The following ASTN2 variants were observed in gnomAD, a reference collection of about 807,000 sequenced individuals.
The protein encoded by ASTN2 is astrotactin 2.
In ASTN2, 54 loss-of-function variants were observed where a neutral mutation model predicts 139.8. The ratio of observed to expected loss-of-function variants is 0.39; its 90% CI spans 0.31 to 0.48. The LOEUF is 0.48. Among genes scored for constraint, ASTN2 ranks in the 20% least tolerant of loss-of-function variants. The pLI, the probability that ASTN2 is intolerant of heterozygous loss-of-function variation, is 0.95. For synonymous variants in ASTN2, 756 were observed against 719.5 expected (o/e 1.05, Z -0.81); for missense variants, 1,565 against 1,725.1 (o/e 0.91, Z 1.64).
intron 1 of ASTN2, among the ~76,000 whole-genome samples, chr9:117,316,708 G>A (rs1828154112): frequency 6.6e-6 from 1 of 152,176 alleles, no homozygotes; most frequent in African/African-American, 2.4e-5. Context: ...TCAGCACAAT[G>A]CTGGGCCTCC....
At chr9:117,119,771 G>C (rs1829493056) in intron 4 of ASTN2, among the ~76,000 whole-genome samples, 1 of 151,830 alleles carries the variant, frequency 6.6e-6, no homozygotes, top group Non-Finnish European at 1.5e-5. Context: ...TGACAAAAAT[G>C]AGGGCATCCC....
At chr9:116,633,529 G>A (rs58612143) in intron 17 of ASTN2, among the ~76,000 whole-genome samples, 4,286 of 152,312 alleles carry the variant, frequency 0.028, 185 homozygotes, top group African/African-American at 0.098. Flanking sequence ...TTCCTGTGGT[G>A]AGAACATCTG....
intron 10 of ASTN2, among the ~76,000 whole-genome samples, chr9:116,879,997 A>C (rs1833410280): frequency 6.6e-6 from 1 of 152,244 alleles, no homozygotes; most frequent in Non-Finnish European, 1.5e-5. Flanking sequence ...CAATTGTAAC[A>C]TAATCTACAT....
At chr9:116,962,781 G>A (rs2132505625) in intron 10 of ASTN2, among the ~76,000 whole-genome samples, 1 of 152,246 alleles carries the variant, frequency 6.6e-6, no homozygotes, top group South Asian at 2.1e-4. Context: ...TAATACAATA[G>A]GCACTGGGAT....
chr9:117,152,948 C>G (rs1830356238), intron 3 of ASTN2, among the ~76,000 whole-genome samples: 1 of 152,066 alleles, frequency 6.6e-6, no homozygotes. Context: ...ATACAGCCAT[C>G]ATTTTATGTA....
intron 3 of ASTN2, among the ~76,000 whole-genome samples, chr9:117,148,711 T>C (rs1382644903): frequency 6.6e-6 from 1 of 152,246 alleles, no homozygotes; most frequent in African/African-American, 2.4e-5. Context: ...AACATTATTC[T>C]AGACATATCT....
chr9:117,369,855 G>A (rs1230025950), intron 1 of ASTN2, among the ~76,000 whole-genome samples: 1 of 152,078 alleles, frequency 6.6e-6, no homozygotes, highest in Non-Finnish European at 1.5e-5. Flanking sequence ...TTCCCTAAGG[G>A]CACACACTGT....
intron 19 of ASTN2, among the ~76,000 whole-genome samples, chr9:116,607,478 A>C (rs1450437756): frequency 6.6e-6 from 1 of 152,186 alleles, no homozygotes; most frequent in African/African-American, 2.4e-5. Context: ...AGAAGGGCCT[A>C]GATCTGTGTA....
intron 10 of ASTN2, among the ~76,000 whole-genome samples, chr9:116,970,338 C>G (rs1015957959): frequency 6.6e-6 from 1 of 152,128 alleles, no homozygotes; most frequent in South Asian, 2.1e-4. Context: ...CTAGGTCATG[C>G]GAATGCTACT....
rs543080712 is a variant in ASTN2 at position 116,516,500 on chromosome 9, G to T, written c.3356-29000C>A. Among the ~76,000 whole-genome samples the T allele has an allele frequency of 5.3e-5, 8 of 152,334 alleles. No homozygotes were observed. The South Asian group carries it at 1.7e-3, about 32-fold the overall frequency. The stretch of plus-strand genomic sequence containing the variant: ...TTTTCTCAAATATGGCAGATAGGAG[G>T]AAGGACTAGCTTGCAGCTCCTGCCT... On this transcript the variant is annotated intron_variant, in intron 19 of 22. Coordinates refer to ENST00000313400, the MANE Select transcript of ASTN2 (RefSeq NM_001365068.1).
chr9:116,611,478 T>C (rs539130736), intron 19 of ASTN2: 3 of 152,156 alleles, frequency 2.0e-5, no homozygotes, highest in Admixed American at 2.0e-4. Flanking sequence ...GTTGATTCTT[T>C]GAAAATACAA....
In ASTN2 at chr9:116,699,429, C is replaced by A; in HGVS notation, c.2806+26342G>T. The A allele has an allele frequency of 6.2e-7, 1 of 1,614,134 alleles. No homozygotes were observed. The highest frequency in any genetic ancestry group is 8.5e-7 in the Non-Finnish European group (1 of 1,180,028). ...TGTAGGCCCTGATGGGCAGCTGGGTCGCCAGATTAGCCACTTCTTCTCGGA... is the reference window on the plus strand; with the variant it reads ...TGTAGGCCCTGATGGGCAGCTGGGTAGCCAGATTAGCCACTTCTTCTCGGA... On this transcript the variant is annotated intron_variant, in intron 16 of 22. Transcript: ENST00000313400. This position sits in a 1 kb window ranked among gnomAD's most constrained non-coding sequence, Gnocchi z 4.2.
At chr9:117,337,520 C>T (rs767401245) in intron 1 of ASTN2, among the ~76,000 whole-genome samples, 1 of 152,082 alleles carries the variant, frequency 6.6e-6, no homozygotes, top group Non-Finnish European at 1.5e-5. Flanking sequence ...TATAACAGCA[C>T]CGTTAAGTAA....
In ASTN2 at chr9:116,834,619, A is replaced by T. The variant is rs76094188; in HGVS notation, c.2041-13836T>A. Among the ~76,000 whole-genome samples the T allele has an allele frequency of 3.4e-4, 52 of 152,318 alleles. No homozygotes were observed. The East Asian group carries it at 9.6e-3, about 28-fold the overall frequency. On this transcript the variant is annotated intron_variant, in intron 11 of 22. Transcript: ENST00000313400. ...CTACTCTCACTTTTGTTTGATTTGC[A>T]TGTGTCTTTTTCCATCCATTTACTT...
At chr9:117,005,119 C>G (rs894208332) in intron 7 of ASTN2, among the ~76,000 whole-genome samples, 3 of 105,472 alleles carry the variant, frequency 2.8e-5, no homozygotes, top group African/African-American at 3.7e-5. Flanking sequence ...CACAGTCTTG[C>G]TCTGTCACCA....
At chr9:117,412,530 T>C (rs1416548662) in intron 1 of ASTN2, among the ~76,000 whole-genome samples, 13 of 152,064 alleles carry the variant, frequency 8.5e-5, no homozygotes, top group African/African-American at 3.1e-4. Context: ...ATGGCAAAGA[T>C]TGTCAGTTCC....
chr9:116,935,483 AT>A (rs1835041176), intron 10 of ASTN2, among the ~76,000 whole-genome samples: 1 of 152,200 alleles, frequency 6.6e-6, no homozygotes, highest in Non-Finnish European at 1.5e-5. Context: ...TTTTTAAGAC[AT>A]TTCTGTATTT....
chr9:116,841,461 G>T (rs1368217686), intron 11 of ASTN2, among the ~76,000 whole-genome samples: 2 of 152,090 alleles, frequency 1.3e-5, no homozygotes, highest in Non-Finnish European at 2.9e-5. Context: ...GGCTGGTCTT[G>T]AACTCCTGAC....
chr9:117,160,277 G>A lies in ASTN2; in HGVS notation c.1016-18799C>T, dbSNP rs13299059. Among the ~76,000 whole-genome samples the A allele has an allele frequency of 3.3e-5, 5 of 151,994 alleles. No homozygotes were observed. The East Asian group carries it at 5.8e-4, about 18-fold the overall frequency. On this transcript the variant is annotated intron_variant, in intron 3 of 22. Coordinates refer to ENST00000313400, the MANE Select transcript of ASTN2 (RefSeq NM_001365068.1). Reference sequence around the variant, plus strand: ...TCACACAGGATCTAAGTTCCTAGGGGGCAGGGGTCCAGTCAAAGGGAGGCA... The same window carrying A: ...TCACACAGGATCTAAGTTCCTAGGGAGCAGGGGTCCAGTCAAAGGGAGGCA...
Sources: allele counts gnomAD v4.1 joint callset (sites outside exome capture counted in the v4.1 genomes callset), GRCh38; gene constraint gnomAD v4.1.1; non-coding constraint Gnocchi (gnomAD v3.1); transcripts MANE v1.5; gene names NCBI Gene and HGNC (gene_info 2026-07-23, HGNC 2026-07-21).